The following CSMD1 variants were observed in gnomAD, a reference collection of about 807,000 sequenced individuals.
CSMD1 encodes the protein CUB and Sushi multiple domains 1.
In CSMD1, 213 loss-of-function variants were observed where a neutral mutation model predicts 417.5. The ratio of observed to expected loss-of-function variants is 0.51; its 90% CI spans 0.46 to 0.57. CSMD1 has a LOEUF of 0.57. Ranked by LOEUF, CSMD1 falls within the 20% of genes least tolerant of loss-of-function variation. The probability of loss-of-function intolerance (pLI) is 0.00; values close to 1 mark genes in which losing one functional copy is unlikely to be tolerated. For missense variants in CSMD1, 6,923 were observed against 4,529.7 expected, an observed-to-expected ratio of 1.53 and a Z score of -15.17; for synonymous variants, 2,862 against 1,736.8, an observed-to-expected ratio of 1.65 and a Z score of -16.11.
At chr8:4,043,650 G>C (rs915113225) in intron 3 of CSMD1, among the ~76,000 whole-genome samples, 12 of 152,192 alleles carry the variant, frequency 7.9e-5, no homozygotes, top group African/African-American at 1.4e-4. Context: ...AATTCTAGGA[G>C]TGGTGGTTCC....
At chr8:4,289,907 C>T (rs1797267601) in intron 3 of CSMD1, among the ~76,000 whole-genome samples, 1 of 152,186 alleles carries the variant, frequency 6.6e-6, no homozygotes, top group Non-Finnish European at 1.5e-5. Flanking sequence ...CAAATGGTAC[C>T]TCTGAGTGCA....
At chr8:4,199,285 G>C (rs535425877) in intron 3 of CSMD1, among the ~76,000 whole-genome samples, 2 of 152,284 alleles carry the variant, frequency 1.3e-5, no homozygotes, top group African/African-American at 4.8e-5. Flanking sequence ...TATGGTCATT[G>C]ATATGCAGGC....
At chr8:4,143,658 T>A (rs1039904324) in intron 3 of CSMD1, among the ~76,000 whole-genome samples, 1 of 150,918 alleles carries the variant, frequency 6.6e-6, no homozygotes, top group African/African-American at 2.5e-5. Flanking sequence ...TGACTGTGAG[T>A]TCTCCAGGTT....
chr8:3,378,101 T>C (rs1810422819), intron 18 of CSMD1, among the ~76,000 whole-genome samples: 1 of 152,138 alleles, frequency 6.6e-6, no homozygotes, highest in South Asian at 2.1e-4. Flanking sequence ...TTGGATGTGT[T>C]TGATTGTTGG....
chr8:4,274,044 G>C (rs1465240658), intron 3 of CSMD1, among the ~76,000 whole-genome samples: 1 of 152,140 alleles, frequency 6.6e-6, no homozygotes, highest in South Asian at 2.1e-4. Flanking sequence ...TAAATGCAGA[G>C]TTGAAGTAAG....
At chr8:3,304,371 T>C (rs1182326828) in intron 25 of CSMD1, among the ~76,000 whole-genome samples, 1 of 152,246 alleles carries the variant, frequency 6.6e-6, no homozygotes, top group Non-Finnish European at 1.5e-5. Context: ...TTTCTGAGTA[T>C]TAGTACAATT....
In CSMD1 at chr8:4,752,575, T is replaced by G. The variant is rs182753657; in HGVS notation, c.86-115017A>C. 7.2e-5 allele frequency among the ~76,000 whole-genome samples: 11 copies of G among 152,282 alleles called. No individual in the cohort carries two copies. The East Asian group carries it at 1.9e-3, about 27-fold the overall frequency. On this transcript the variant is annotated intron_variant, in intron 1 of 69. Transcript: ENST00000635120. ...CCAGATGCACAGAGTGAAAACGAAG[T>G]GAATTAAATGCATGAGTGAAATTCT...
At chr8:3,886,157 C>G (rs748284484) in intron 5 of CSMD1, among the ~76,000 whole-genome samples, 4 of 152,080 alleles carry the variant, frequency 2.6e-5, no homozygotes, top group African/African-American at 4.8e-5. Context: ...TTCAAGCAAT[C>G]TCCTACCTCA....
At chr8:4,697,956 G>A (rs1027574470) in intron 1 of CSMD1, among the ~76,000 whole-genome samples, 1 of 152,132 alleles carries the variant, frequency 6.6e-6, no homozygotes, top group Admixed American at 6.6e-5. Context: ...AAGACAAATA[G>A]TGATGCTTAA....
intron 32 of CSMD1, 55 bp from the exon 33 acceptor site, chr8:3,199,864 T>G (rs1040077355): frequency 9.4e-7 from 1 of 1,060,454 alleles, no homozygotes. Context: ...TGGGGGACGG[T>G]AGTATTTTGG....
chr8:3,847,745 G>C (rs35996212), intron 5 of CSMD1, among the ~76,000 whole-genome samples: 1 of 151,968 alleles, frequency 6.6e-6, no homozygotes, highest in Non-Finnish European at 1.5e-5. Context: ...TGACACTGCA[G>C]TTCCAGCTCC....
chr8:4,549,895 T>TAAAA (rs1563277700), intron 2 of CSMD1, among the ~76,000 whole-genome samples: 12 of 65,838 alleles, frequency 1.8e-4, no homozygotes, highest in Admixed American at 3.6e-4. Flanking sequence ...AGACTTTGTC[T>TAAAA]CAAAAAAAAA....
chr8:4,207,817 A>G (rs867586329), intron 3 of CSMD1, among the ~76,000 whole-genome samples: 1 of 152,172 alleles, frequency 6.6e-6, no homozygotes, highest in Non-Finnish European at 1.5e-5. Flanking sequence ...AATTATGTTG[A>G]AACAGATGCA....
intron 5 of CSMD1, among the ~76,000 whole-genome samples, chr8:3,982,160 AAATAAT>A (rs534030179): frequency 9.9e-4 from 89 of 89,514 alleles, no homozygotes; most frequent in African/African-American, 2.8e-3. Context: ...TCTATCTCAA[AAATAAT>A]AATAATAATA....
At chr8:4,906,741 G>A (rs943619101) in intron 1 of CSMD1, among the ~76,000 whole-genome samples, 3 of 152,018 alleles carry the variant, frequency 2.0e-5, no homozygotes, top group African/African-American at 7.3e-5. Flanking sequence ...ATTTTTTTTA[G>A]TAGAGACGGG....
rs142782669 is a variant in CSMD1 at position 4,918,555 on chromosome 8, T to C, written c.85+75777A>G. ...TGTGAAAAAAAAAGCCAATTTCCAATGTCTAGACAAGCACTGCGAGTTGTG... is the reference window on the plus strand; with the variant it reads ...TGTGAAAAAAAAAGCCAATTTCCAACGTCTAGACAAGCACTGCGAGTTGTG... On this transcript the variant is annotated intron_variant, in intron 1 of 69. Transcript: ENST00000635120. Among the ~76,000 whole-genome samples, 660 of 152,262 alleles carry C rather than the reference T, an allele frequency of 4.3e-3. 1 individual carries two copies. The highest frequency in any genetic ancestry group is 6.9e-3 in the Non-Finnish European group (468 of 68,020).
At chr8:4,019,614 G>C (rs956746036) in intron 4 of CSMD1, among the ~76,000 whole-genome samples, 4 of 152,172 alleles carry the variant, frequency 2.6e-5, no homozygotes, top group Admixed American at 6.5e-5. Flanking sequence ...CAGAAGACAA[G>C]TGATTTCCTT....
chr8:4,627,657 G>T (rs1055787461), intron 2 of CSMD1, among the ~76,000 whole-genome samples: 13 of 151,864 alleles, frequency 8.6e-5, no homozygotes, highest in Non-Finnish European at 1.8e-4. Context: ...CCCATTCCTG[G>T]TCACTCCAGC....
At chr8:3,420,431 A>T (rs1289854251) in intron 12 of CSMD1, among the ~76,000 whole-genome samples, 2 of 152,028 alleles carry the variant, frequency 1.3e-5, no homozygotes, top group Non-Finnish European at 2.9e-5. Flanking sequence ...AGGAAAAAAA[A>T]AAAAAAGCCA....
Sources: allele counts gnomAD v4.1 joint callset (sites outside exome capture counted in the v4.1 genomes callset), GRCh38; gene constraint gnomAD v4.1.1; transcripts MANE v1.5; gene names NCBI Gene and HGNC (gene_info 2026-07-23, HGNC 2026-07-21).